PTPRO: variants seen among roughly 807,000 people sequenced by gnomAD.
The protein encoded by PTPRO is receptor-type tyrosine-protein phosphatase O.
In PTPRO, 62 loss-of-function variants were observed where a neutral mutation model predicts 145.2. That is an observed-to-expected ratio of 0.43 (90% CI 0.35 to 0.53). The LOEUF (loss-of-function observed/expected upper bound fraction) is 0.53, where lower values mean the gene tolerates loss of function less well. PTPRO is among the 20% of genes least tolerant of loss of function. The probability of loss-of-function intolerance (pLI) is 0.01; values close to 1 mark genes in which losing one functional copy is unlikely to be tolerated. For synonymous variants in PTPRO, 565 were observed against 514.7 expected, an observed-to-expected ratio of 1.10 and a Z score of -1.32; for missense variants, 1,345 against 1,482.7, an observed-to-expected ratio of 0.91 and a Z score of 1.53.
At chr12:15,550,197 A>T (rs61908070) in intron 14 of PTPRO, among the ~76,000 whole-genome samples, 1 of 152,138 alleles carries the variant, frequency 6.6e-6, no homozygotes, top group Admixed American at 6.5e-5. Context: ...ACATTTTTGT[A>T]TGTTATACTT....
At chr12:15,413,534 G>T (rs1357274307) in intron 1 of PTPRO, among the ~76,000 whole-genome samples, 1 of 152,092 alleles carries the variant, frequency 6.6e-6, no homozygotes, top group Non-Finnish European at 1.5e-5. Context: ...AAAGATGGAG[G>T]CCAGGCACGG....
intron 4 of PTPRO, among the ~76,000 whole-genome samples, chr12:15,501,098 T>C (rs1942212233): frequency 6.6e-6 from 1 of 152,182 alleles, no homozygotes; most frequent in Non-Finnish European, 1.5e-5. Flanking sequence ...TGTTTCATTT[T>C]AGGGAGGTGA....
rs536976441 is a variant in PTPRO, at chr12:15,582,137, T to TATTG, written c.3255+337_3255+340dup. 2.1e-3 allele frequency among the ~76,000 whole-genome samples: 317 copies of TATTG among 152,362 alleles called. 1 individual carries two copies. The highest frequency in any genetic ancestry group is 2.1e-3 in the Non-Finnish European group (145 of 68,026). On this transcript the variant is annotated intron_variant, in intron 23 of 26. Transcript: ENST00000281171. ...TCCTTAAGGCATAGGTTGCTCATGC[T>TATTG]ATTGTTTGTGGTTTAAGAATGCCTT...
intron 1 of PTPRO, among the ~76,000 whole-genome samples, chr12:15,405,824 C>T (rs1397625334): frequency 6.6e-5 from 10 of 152,022 alleles, no homozygotes; most frequent in Admixed American, 1.3e-4. Flanking sequence ...TCCATTTCAT[C>T]GAGAGTGATG....
chr12:15,418,287 A>G (rs924320159), intron 1 of PTPRO, among the ~76,000 whole-genome samples: 1 of 151,742 alleles, frequency 6.6e-6, no homozygotes, highest in Admixed American at 6.6e-5. Flanking sequence ...CAAATTAATT[A>G]TGGCTATAGA....
chr12:15,569,937 T>C (rs1774462533), intron 19 of PTPRO, among the ~76,000 whole-genome samples: 1 of 152,198 alleles, frequency 6.6e-6, no homozygotes, highest in Non-Finnish European at 1.5e-5. Context: ...CATAACATCC[T>C]GGAGTAGGGC....
intron 2 of PTPRO, among the ~76,000 whole-genome samples, chr12:15,486,601 TA>T (rs1941892549): frequency 6.6e-6 from 1 of 152,112 alleles, no homozygotes; most frequent in African/African-American, 2.4e-5. Flanking sequence ...AAATGCTTTT[TA>T]AAAAGGTGAA....
intron 25 of PTPRO, among the ~76,000 whole-genome samples, chr12:15,594,530 CAT>C (rs1444920054): frequency 2.0e-5 from 3 of 151,354 alleles, no homozygotes; most frequent in African/African-American, 7.3e-5. Flanking sequence ...TATATACATA[CAT>C]ATATATGTAT....
intron 1 of PTPRO, among the ~76,000 whole-genome samples, chr12:15,436,377 T>C (rs553783752): frequency 6.6e-5 from 10 of 152,328 alleles, no homozygotes; most frequent in Admixed American, 4.6e-4. Context: ...AATTTCTTTT[T>C]TATTATTACA....
At chr12:15,455,709 C>T (rs1166371752) in intron 1 of PTPRO, among the ~76,000 whole-genome samples, 5 of 151,968 alleles carry the variant, frequency 3.3e-5, no homozygotes, top group Non-Finnish European at 7.4e-5. Flanking sequence ...GATTTTGTAT[C>T]CTGTGACTTT....
rs1037554969 is a variant in PTPRO at position 15,558,783 on chromosome 12, A to G, written c.2627+1260A>G. Among the ~76,000 whole-genome samples the G allele has an allele frequency of 1.6e-4, 24 of 152,182 alleles. 1 individual carries two copies. The highest frequency in any genetic ancestry group is 1.4e-3 in the Admixed American group (21 of 15,280). ...GAACTTTATTTAGGATATAAATTTT[A>G]CTTCCCTCAGTGTAGCTGATACTCA... On this transcript the variant is annotated intron_variant, in intron 16 of 26. Coordinates refer to ENST00000281171, the MANE Select transcript of PTPRO (RefSeq NM_030667.3).
intron 8 of PTPRO, among the ~76,000 whole-genome samples, chr12:15,516,138 A>C (rs1442016175): frequency 6.6e-6 from 1 of 150,798 alleles, no homozygotes; most frequent in African/African-American, 2.4e-5. Context: ...CTACAGGTAC[A>C]TGCCACCATG....
chr12:15,538,976 G>A (rs907865158), intron 12 of PTPRO, among the ~76,000 whole-genome samples: 1 of 152,160 alleles, frequency 6.6e-6, no homozygotes, highest in African/African-American at 2.4e-5. Context: ...TTCCATACCT[G>A]AGTTCAGAAT....
intron 23 of PTPRO, among the ~76,000 whole-genome samples, chr12:15,582,699 T>C (rs1284413705): frequency 6.6e-6 from 1 of 152,152 alleles, no homozygotes; most frequent in East Asian, 1.9e-4. Flanking sequence ...GATTTAGTAG[T>C]TTGGGTTTTG....
intron 19 of PTPRO, among the ~76,000 whole-genome samples, chr12:15,574,082 A>G (rs1041794739): frequency 6.6e-6 from 1 of 152,214 alleles, no homozygotes; most frequent in Non-Finnish European, 1.5e-5. Context: ...ACATTGAGAA[A>G]TCACATCATT....
intron 1 of PTPRO, among the ~76,000 whole-genome samples, chr12:15,476,340 C>G (rs1941653148): frequency 6.6e-6 from 1 of 152,094 alleles, no homozygotes; most frequent in African/African-American, 2.4e-5. Context: ...CTTAGGAAGG[C>G]TAGAGGGAGG....
intron 16 of PTPRO, 110 bp from the exon 17 acceptor site, chr12:15,560,083 G>T (rs572941820): frequency 1.9e-4 from 156 of 800,738 alleles, no homozygotes; most frequent in Non-Finnish European, 3.3e-4. Context: ...TAAGGTGCTT[G>T]TCATATTAAT....
intron 1 of PTPRO, among the ~76,000 whole-genome samples, chr12:15,471,059 G>A (rs1941528363): frequency 1.3e-5 from 2 of 152,294 alleles, no homozygotes; most frequent in South Asian, 4.1e-4. Context: ...GTAATTGGGA[G>A]ATGGGAGTCC....
chr12:15,322,768 C>T lies in PTPRO; in HGVS notation c.42C>T (p.Leu14=). Reference sequence around the variant, plus strand: ...CGGGGATACACGGCGCCCGCCGCCTCCTGCCTCTGCTCTGGCTCTTTGTGC... The same window carrying T: ...CGGGGATACACGGCGCCCGCCGCCTTCTGCCTCTGCTCTGGCTCTTTGTGC... ...LPTGIHGARR[L]LPLLWLFVLF... is the part of the protein sequence containing the mutation. Residue 14 remains leucine, a synonymous_variant, in exon 1 of 27, where the codon CTC becomes CTT. Transcript: ENST00000281171. This position sits in a 1 kb window ranked among gnomAD's most constrained non-coding sequence, Gnocchi z 6.3. 1 of 1,612,918 alleles carries T rather than the reference C, an allele frequency of 6.2e-7. No homozygotes were observed. Among genetic ancestry groups the T allele is most frequent in the Non-Finnish European group, 8.5e-7 (1 of 1,179,572 alleles).
Sources: gnomAD v4.1 joint callset for allele counts (sites outside exome capture counted in the v4.1 genomes callset) on GRCh38, gnomAD v4.1.1 for gene constraint, Gnocchi (gnomAD v3.1) non-coding constraint, MANE v1.5 for transcripts, NCBI Gene and HGNC (gene_info 2026-07-23, HGNC 2026-07-21) for gene names.